The following CFAP44 variants were observed in gnomAD, a reference collection of about 807,000 sequenced individuals.
CFAP44 encodes the protein cilia and flagella associated protein 44, also known as cilia- and flagella-associated protein 44.
A neutral mutation model predicts 216.2 loss-of-function variants in CFAP44; 134 were observed. The ratio of observed to expected loss-of-function variants is 0.62; its 90% confidence interval spans 0.54 to 0.72. The LOEUF (loss-of-function observed/expected upper bound fraction) is 0.72, where lower values mean the gene tolerates loss of function less well. Among genes scored for constraint, CFAP44 ranks in the 30% least tolerant of loss-of-function variants. The pLI, the probability that CFAP44 is intolerant of heterozygous loss-of-function variation, is 0.00. For synonymous variants in CFAP44, 700 were observed against 727.6 expected (o/e 0.96, Z 0.61); for missense variants, 2,035 against 2,182.1 (o/e 0.93, Z 1.34).
intron 23 of CFAP44, among the ~76,000 whole-genome samples, chr3:113,342,813 AC>A (rs202156507): frequency 0.029 from 4,299 of 150,842 alleles, 104 homozygotes; most frequent in East Asian, 0.099. Flanking sequence ...GCATGGTGAA[AC>A]CCCCGTCTCT....
chr3:113,394,336 C>A (rs1244124605), intron 15 of CFAP44, among the ~76,000 whole-genome samples: 2 of 152,194 alleles, frequency 1.3e-5, no homozygotes, highest in African/African-American at 4.8e-5. Context: ...ACCCCAACCC[C>A]TGCCAAATGT....
At chr3:113,305,224 G>C in intron 30 of CFAP44, 72 bp from the exon 31 acceptor site, 1 of 1,293,298 alleles carries the variant, frequency 7.7e-7, no homozygotes, top group Middle Eastern at 1.8e-4. Context: ...GTGAATGAAG[G>C]CATCTTGGGA....
intron 33 of CFAP44, among the ~76,000 whole-genome samples, chr3:113,296,287 C>T (rs1227805267): frequency 6.6e-6 from 1 of 152,140 alleles, no homozygotes; most frequent in African/African-American, 2.4e-5. Context: ...TACATACACA[C>T]ATACACAGCA....
At chr3:113,432,834 TA>T (rs772037402) in intron 2 of CFAP44, among the ~76,000 whole-genome samples, 1 of 152,218 alleles carries the variant, frequency 6.6e-6, no homozygotes, top group Non-Finnish European at 1.5e-5. Flanking sequence ...AATCTCCTGA[TA>T]AATATTCCCA....
At chr3:113,300,649 A>AT (rs1315946498) in intron 32 of CFAP44, among the ~76,000 whole-genome samples, 1 of 152,006 alleles carries the variant, frequency 6.6e-6, no homozygotes, top group Non-Finnish European at 1.5e-5. Context: ...ATACATATCA[A>AT]TTTTTTTAAA....
intron 21 of CFAP44, chr3:113,360,461 G>T: frequency 4.3e-6 from 1 of 232,166 alleles, no homozygotes; most frequent in South Asian, 7.6e-5. Context: ...AAGAAATTCT[G>T]ACATTTATTA....
intron 6 of CFAP44, among the ~76,000 whole-genome samples, chr3:113,411,401 G>A (rs1934467705): frequency 6.6e-6 from 1 of 152,066 alleles, no homozygotes; most frequent in East Asian, 1.9e-4. Context: ...ATTAAATAGG[G>A]AATCCTTTCC....
rs1264761806 is a variant in CFAP44, at chr3:113,401,264, C to T, written c.1350G>A (p.Lys450=). The T allele has an allele frequency of 1.9e-6, 3 of 1,587,634 alleles. No homozygotes were observed. Among genetic ancestry groups the T allele is most frequent in the African/African-American group, 1.4e-5 (1 of 73,306 alleles). The change falls in exon 11 of 35, where the codon AAG becomes AAA. Residue 450 remains lysine (K), a synonymous_variant. Coordinates refer to ENST00000393845, the MANE Select transcript of CFAP44 (RefSeq NM_001164496.2). ...CAATATTTGAAAAACTAAGGTCAAGCTTCCATATGGCTCCATTGGCATCCT... is the reference window on the plus strand; with the variant it reads ...CAATATTTGAAAAACTAAGGTCAAGTTTCCATATGGCTCCATTGGCATCCT... ...LAQDANGAIW[K]LDLSFSNITQ... is the part of the protein sequence containing the mutation.
At chr3:113,305,194 T>C in intron 30 of CFAP44, 42 bp from the exon 31 acceptor site, 2 of 1,473,600 alleles carry the variant, frequency 1.4e-6, no homozygotes, top group Non-Finnish European at 9.2e-7. Context: ...CAAGACTCAA[T>C]AAACATACAT....
chr3:113,368,552 T>C (rs140907742), intron 18 of CFAP44, among the ~76,000 whole-genome samples: 4,388 of 152,230 alleles, frequency 0.029, 111 homozygotes, highest in East Asian at 0.1. Context: ...AGAGATTTTG[T>C]CACCACCAGG....
chr3:113,355,484 C>T (rs1285441193), intron 22 of CFAP44, among the ~76,000 whole-genome samples: 1 of 152,196 alleles, frequency 6.6e-6, no homozygotes, highest in East Asian at 1.9e-4. Context: ...CACGCCACTA[C>T]ACTCCAGCCT....
chr3:113,343,166 A>T (rs1052523229), intron 23 of CFAP44, among the ~76,000 whole-genome samples: 3 of 145,920 alleles, frequency 2.1e-5, no homozygotes, highest in African/African-American at 2.5e-5. Context: ...GGTTCAAGTG[A>T]TTCTCCCGCC....
intron 34 of CFAP44, chr3:113,294,082 G>C (rs1190431424): frequency 2.2e-6 from 1 of 456,378 alleles, no homozygotes; most frequent in Non-Finnish European, 4.4e-6. Context: ...GAAACAACTG[G>C]CCTTTTTGCA....
chr3:113,367,002 G>A (rs1023317710), intron 18 of CFAP44, among the ~76,000 whole-genome samples: 7 of 152,212 alleles, frequency 4.6e-5, no homozygotes, highest in Non-Finnish European at 8.8e-5. Flanking sequence ...GCAGCCCGGC[G>A]GGTGGAGGGG....
At chr3:113,389,832 A>G (rs1397696311) in intron 15 of CFAP44, among the ~76,000 whole-genome samples, 1 of 152,152 alleles carries the variant, frequency 6.6e-6, no homozygotes, top group Non-Finnish European at 1.5e-5. Context: ...GAACAGACCA[A>G]TTATGAGTAA....
chr3:113,401,177 A>G (rs1934130786), intron 11 of CFAP44, 63 bp downstream of exon 11: 7 of 1,443,394 alleles, frequency 4.8e-6, no homozygotes, highest in Non-Finnish European at 6.6e-6. Flanking sequence ...AATACTTTAA[A>G]GACAAATAAC....
At chr3:113,419,098 T>G in intron 5 of CFAP44, among the ~76,000 whole-genome samples, 1 of 152,350 alleles carries the variant, frequency 6.6e-6, no homozygotes, top group East Asian at 1.9e-4. Flanking sequence ...TTTAAAACTA[T>G]TACTGCCATA....
At chr3:113,424,381 A>C (rs1934903268) in intron 4 of CFAP44, among the ~76,000 whole-genome samples, 1 of 152,224 alleles carries the variant, frequency 6.6e-6, no homozygotes, top group Non-Finnish European at 1.5e-5. Flanking sequence ...GGTTGCAGTA[A>C]GCAGAGATCG....
At chr3:113,305,276 T>C (rs1329258377) in intron 30 of CFAP44, 124 bp from the exon 31 acceptor site, 2 of 792,310 alleles carry the variant, frequency 2.5e-6, no homozygotes, top group African/African-American at 1.7e-5. Context: ...TGGGCTGTGA[T>C]TAAGTGCATG....
Sources: allele counts gnomAD v4.1 joint callset (sites outside exome capture counted in the v4.1 genomes callset), GRCh38; gene constraint gnomAD v4.1.1; transcripts MANE v1.5; gene names NCBI Gene and HGNC (gene_info 2026-07-23, HGNC 2026-07-21).